The following CSMD1 variants were observed in gnomAD, a reference collection of about 807,000 sequenced individuals.
CSMD1 encodes the protein CUB and Sushi multiple domains 1, also known as CUB and sushi domain-containing protein 1.
In CSMD1, 213 loss-of-function variants were observed where a neutral mutation model predicts 417.5. The ratio of observed to expected loss-of-function variants is 0.51; its 90% CI spans 0.46 to 0.57. The LOEUF (loss-of-function observed/expected upper bound fraction) is 0.57. Among genes scored for constraint, CSMD1 ranks in the 20% least tolerant of loss-of-function variants. The pLI is 0.00. For synonymous variants in CSMD1, 2,862 were observed against 1,736.8 expected, an observed-to-expected ratio of 1.65 and a Z score of -16.11; for missense variants, 6,923 against 4,529.7, an observed-to-expected ratio of 1.53 and a Z score of -15.17.
At chr8:3,203,038 G>A (rs1330319152) in intron 31 of CSMD1, among the ~76,000 whole-genome samples, 1 of 152,020 alleles carries the variant, frequency 6.6e-6, no homozygotes, top group Non-Finnish European at 1.5e-5. Context: ...TCATACTGGA[G>A]GCCCAAAACT....
intron 5 of CSMD1, among the ~76,000 whole-genome samples, chr8:3,783,511 T>G (rs1339563676): frequency 6.6e-6 from 1 of 152,150 alleles, no homozygotes; most frequent in East Asian, 1.9e-4. Flanking sequence ...GGAAAGGACC[T>G]GAATCCTGTG....
At chr8:3,075,761 G>A (rs1813617574) in intron 49 of CSMD1, among the ~76,000 whole-genome samples, 1 of 151,804 alleles carries the variant, frequency 6.6e-6, no homozygotes, top group Non-Finnish European at 1.5e-5. Flanking sequence ...AAATACATTG[G>A]CTGGGCGCGG....
Position 4,445,859 on chromosome 8 carries a change from G to T in CSMD1, c.303-25794C>A, listed in dbSNP as rs535369879. 2.6e-5 allele frequency among the ~76,000 whole-genome samples: 4 copies of T among 152,340 alleles called. No homozygotes were observed. The South Asian group carries it at 8.3e-4, about 32-fold the overall frequency. On this transcript the variant is annotated intron_variant, in intron 2 of 69. Transcript: ENST00000635120. ...TAATTAACATCTTCAATGCAGAAGT[G>T]TTCTCCCGCTGGAGAAGGGCACAAG...
At chr8:3,514,344 G>C (rs143261773) in intron 10 of CSMD1, among the ~76,000 whole-genome samples, 302 of 152,244 alleles carry the variant, frequency 2.0e-3, no homozygotes, top group Middle Eastern at 3.4e-3. Flanking sequence ...GATCTCCCTG[G>C]TGATGTTGTA....
intron 3 of CSMD1, among the ~76,000 whole-genome samples, chr8:4,094,077 G>T (rs539768238): frequency 6.6e-6 from 1 of 152,162 alleles, no homozygotes; most frequent in Non-Finnish European, 1.5e-5. Flanking sequence ...CAGTGTGGAA[G>T]TGACGCTGTG....
At chr8:3,362,445 C>T (rs1277488647) in intron 20 of CSMD1, among the ~76,000 whole-genome samples, 2 of 152,252 alleles carry the variant, frequency 1.3e-5, no homozygotes, top group East Asian at 3.9e-4. Flanking sequence ...TGAATGCTCT[C>T]TTTTTTCTCC....
At chr8:3,194,619 G>A (rs1446830667) in intron 33 of CSMD1, among the ~76,000 whole-genome samples, 1 of 141,032 alleles carries the variant, frequency 7.1e-6, no homozygotes, top group Non-Finnish European at 1.5e-5. Flanking sequence ...CACCACACTT[G>A]GCTAATAATT....
intron 5 of CSMD1, among the ~76,000 whole-genome samples, chr8:3,782,983 T>C (rs1323112499): frequency 6.6e-6 from 1 of 152,200 alleles, no homozygotes; most frequent in Non-Finnish European, 1.5e-5. Context: ...TTGTTAGCTA[T>C]AAGCAAAATT....
intron 54 of CSMD1, among the ~76,000 whole-genome samples, chr8:2,997,615 A>G (rs1231978128): frequency 6.6e-6 from 1 of 152,262 alleles, no homozygotes; most frequent in Admixed American, 6.5e-5. Flanking sequence ...GACTACGTTT[A>G]AAGAAATGAA....
chr8:3,580,705 GTTC>G (rs1800346074), intron 9 of CSMD1, among the ~76,000 whole-genome samples: 1 of 152,144 alleles, frequency 6.6e-6, no homozygotes, highest in African/African-American at 2.4e-5. Context: ...TTAACCGTGT[GTTC>G]TTCTGTCTAA....
intron 2 of CSMD1, among the ~76,000 whole-genome samples, chr8:4,457,702 C>A (rs1289068417): frequency 6.6e-6 from 1 of 152,112 alleles, no homozygotes; most frequent in East Asian, 1.9e-4. Context: ...ATGGGAGAGG[C>A]AGCTTCCCTT....
chr8:3,944,681 G>T (rs942725760), intron 5 of CSMD1, among the ~76,000 whole-genome samples: 1 of 152,110 alleles, frequency 6.6e-6, no homozygotes, highest in Non-Finnish European at 1.5e-5. Flanking sequence ...GAAATAAAAA[G>T]ATCTATGTTG....
At chr8:4,409,654 T>C (rs1169007735) in intron 3 of CSMD1, among the ~76,000 whole-genome samples, 5 of 151,266 alleles carry the variant, frequency 3.3e-5, no homozygotes, top group Admixed American at 3.3e-4. Context: ...TTTTTTTTTT[T>C]TTTTTTTTAA....
chr8:4,733,599 A>C (rs1810038907), intron 1 of CSMD1, among the ~76,000 whole-genome samples: 1 of 152,230 alleles, frequency 6.6e-6, no homozygotes, highest in African/African-American at 2.4e-5. Flanking sequence ...TACATGTTTC[A>C]ACAAAGGCCT....
At chr8:4,322,723 C>G (rs548804354) in intron 3 of CSMD1, among the ~76,000 whole-genome samples, 9 of 152,268 alleles carry the variant, frequency 5.9e-5, no homozygotes, top group African/African-American at 2.2e-4. Context: ...GGGCCAGGCA[C>G]GGGGCTCGTG....
At chr8:4,319,843 C>T (rs1799166707) in intron 3 of CSMD1, among the ~76,000 whole-genome samples, 2 of 152,132 alleles carry the variant, frequency 1.3e-5, no homozygotes, top group African/African-American at 4.8e-5. Flanking sequence ...GCTGAGAGCT[C>T]ACCTGTATAT....
intron 5 of CSMD1, among the ~76,000 whole-genome samples, chr8:3,920,883 G>T (rs1306877255): frequency 3.3e-5 from 5 of 152,092 alleles, no homozygotes; most frequent in Non-Finnish European, 1.5e-5. Flanking sequence ...CTAGTGTTTT[G>T]TTGAGAATTT....
At chr8:3,706,143 T>TA (rs1801156156) in intron 7 of CSMD1, among the ~76,000 whole-genome samples, 1 of 152,234 alleles carries the variant, frequency 6.6e-6, no homozygotes, top group Admixed American at 6.5e-5. Context: ...CTCCATTTAC[T>TA]ATGGAAGGCT....
chr8:3,105,474 C>T (rs1816071090), intron 46 of CSMD1, among the ~76,000 whole-genome samples: 1 of 152,164 alleles, frequency 6.6e-6, no homozygotes, highest in African/African-American at 2.4e-5. Context: ...AGCATTTGAG[C>T]TTATGTAAAG....
Sources: gnomAD v4.1 joint callset for allele counts (sites outside exome capture counted in the v4.1 genomes callset) on GRCh38, gnomAD v4.1.1 for gene constraint, MANE v1.5 for transcripts, NCBI Gene and HGNC (gene_info 2026-07-23, HGNC 2026-07-21) for gene names.